CDC42SE2: variants seen among roughly 807,000 people sequenced by gnomAD.
The protein encoded by CDC42SE2 is CDC42 small effector 2.
CDC42SE2 carries 3 observed loss-of-function variants against 11.5 expected under a neutral mutation model. The observed-to-expected ratio is 0.26, with a 90% CI of 0.12 to 0.67. CDC42SE2 has a LOEUF of 0.67. CDC42SE2 is among the 30% of genes least tolerant of loss of function. The probability of loss-of-function intolerance (pLI) is 0.80; values close to 1 mark genes in which losing one functional copy is unlikely to be tolerated. For synonymous variants in CDC42SE2, 33 were observed against 34.8 expected (o/e 0.95, Z 0.18); for missense variants, 82 against 106.8 (o/e 0.77, Z 1.02).
At chr5:131,324,466 C>T (rs921297282) in intron 2 of CDC42SE2, among the ~76,000 whole-genome samples, 3 of 152,002 alleles carry the variant, frequency 2.0e-5, no homozygotes, top group Admixed American at 2.0e-4. Context: ...TTCCGTAGAC[C>T]TGCATTTCAA....
chr5:131,335,743 G>T (rs1430012304), intron 2 of CDC42SE2, among the ~76,000 whole-genome samples: 3 of 152,120 alleles, frequency 2.0e-5, no homozygotes, highest in Non-Finnish European at 2.9e-5. Context: ...TGTCTCTTTT[G>T]ATCTTTGCTG....
chr5:131,340,019 A>G (rs1449712319), intron 2 of CDC42SE2, among the ~76,000 whole-genome samples: 3 of 152,228 alleles, frequency 2.0e-5, no homozygotes, highest in Non-Finnish European at 4.4e-5. Context: ...TTGTATTCAA[A>G]TGACCAAGAA....
chr5:131,311,532 G>T (rs893317655), intron 1 of CDC42SE2, among the ~76,000 whole-genome samples: 1 of 151,948 alleles, frequency 6.6e-6, no homozygotes, highest in Non-Finnish European at 1.5e-5. Context: ...ATATCCTGCA[G>T]AGTGTTTTCC....
upstream of CDC42SE2, among the ~76,000 whole-genome samples, chr5:131,262,165 T>C (rs1756743402): frequency 7.4e-6 from 1 of 135,934 alleles, no homozygotes; most frequent in Non-Finnish European, 1.5e-5. Flanking sequence ...GGGAATTTTC[T>C]GGTTTTTTTT....
In CDC42SE2 at chr5:131,338,617, TA is replaced by T. The variant is rs1758633284; in HGVS notation, c.-285-20589del. ...TATGTTTACTCATTTAATCCTCACA[TA>T]AATCTTTGAGAAAATACTACCATAA... On this transcript the variant is annotated intron_variant, in intron 2 of 4. Coordinates refer to ENST00000505065, the MANE Select transcript of CDC42SE2 (RefSeq NM_001375635.1). Among the ~76,000 whole-genome samples the T allele has an allele frequency of 2.6e-5, 4 of 152,326 alleles. No individual in the cohort carries two copies. The East Asian group carries it at 7.7e-4, about 29-fold the overall frequency.
intron 2 of CDC42SE2, among the ~76,000 whole-genome samples, chr5:131,328,360 A>C (rs1758341223): frequency 6.6e-6 from 1 of 151,980 alleles, no homozygotes; most frequent in Non-Finnish European, 1.5e-5. Flanking sequence ...TGATAATCTT[A>C]AATTTTCTAG....
chr5:131,274,390 A>G (rs950784336), intron 1 of CDC42SE2, among the ~76,000 whole-genome samples: 1 of 152,188 alleles, frequency 6.6e-6, no homozygotes, highest in Non-Finnish European at 1.5e-5. Flanking sequence ...TAGCATGAAA[A>G]CATGTCCCTT....
At chr5:131,369,617 A>G (rs1371076943) in intron 3 of CDC42SE2, among the ~76,000 whole-genome samples, 3 of 152,200 alleles carry the variant, frequency 2.0e-5, no homozygotes, top group African/African-American at 4.8e-5. Context: ...TGGGGGAAGA[A>G]TGTAGTAACA....
At position 131,282,326 on chromosome 5, in the gene CDC42SE2, G is replaced by A. The variant is rs542595933; in HGVS notation, c.-455+18160G>A. On this transcript the variant is annotated intron_variant, in intron 1 of 4. Coordinates refer to ENST00000505065, the MANE Select transcript of CDC42SE2 (RefSeq NM_001375635.1). ...TGAAAAGTTTATGATTAAGATATGG[G>A]GAGAAAGTGTTCATTTTTAAAGTAA... is the stretch of plus-strand genomic sequence containing the variant. 2.1e-4 allele frequency among the ~76,000 whole-genome samples: 32 copies of A among 152,200 alleles called. No individual in the cohort carries two copies. In the East Asian group the frequency reaches 5.6e-3, roughly 27 times the overall value.
chr5:131,299,313 G>A (rs1757633653), intron 1 of CDC42SE2, among the ~76,000 whole-genome samples: 1 of 152,100 alleles, frequency 6.6e-6, no homozygotes, highest in African/African-American at 2.4e-5. Flanking sequence ...GGTTACCAGG[G>A]GTCAGTTAGC....
chr5:131,381,387 G>A (rs944372281), intron 3 of CDC42SE2, among the ~76,000 whole-genome samples: 10 of 151,284 alleles, frequency 6.6e-5, no homozygotes, highest in African/African-American at 9.7e-5. Context: ...GCAATGGCTC[G>A]ATCTCGGCTC....
intron 2 of CDC42SE2, among the ~76,000 whole-genome samples, chr5:131,331,387 A>G (rs1758416601): frequency 6.6e-6 from 1 of 152,208 alleles, no homozygotes; most frequent in Non-Finnish European, 1.5e-5. Context: ...ATAACATTGA[A>G]ATAGATTAAA....
At chr5:131,275,701 T>A (rs940857353) in intron 1 of CDC42SE2, among the ~76,000 whole-genome samples, 2 of 152,180 alleles carry the variant, frequency 1.3e-5, no homozygotes, top group African/African-American at 4.8e-5. Context: ...TTTGCTAAAC[T>A]TCTTTTGTTA....
intron 1 of CDC42SE2, among the ~76,000 whole-genome samples, chr5:131,283,926 A>G (rs1388322954): frequency 1.3e-5 from 2 of 152,224 alleles, no homozygotes; most frequent in African/African-American, 2.4e-5. Flanking sequence ...AAATATGAAC[A>G]TTCATGTACA....
intron 3 of CDC42SE2, among the ~76,000 whole-genome samples, chr5:131,372,102 ATACTTATGCATGTACCTGTTATG>A (rs1170428458): frequency 6.6e-6 from 1 of 152,184 alleles, no homozygotes; most frequent in Non-Finnish European, 1.5e-5. Context: ...ACATGAACAA[ATACTTATGCATGTACCTGTTATG>A]TACTTATGCA....
intron 3 of CDC42SE2, among the ~76,000 whole-genome samples, chr5:131,369,283 T>C (rs1160444109): frequency 1.3e-5 from 2 of 152,246 alleles, no homozygotes; most frequent in African/African-American, 4.8e-5. Flanking sequence ...CATTTTTCTT[T>C]AATGTTTTCT....
At chr5:131,376,869 G>A (rs966471896) in intron 3 of CDC42SE2, among the ~76,000 whole-genome samples, 2 of 152,042 alleles carry the variant, frequency 1.3e-5, no homozygotes, top group African/African-American at 2.4e-5. Flanking sequence ...TATGTACCAC[G>A]TTTTCTTTAT....
At chr5:131,268,875 C>T (rs541306835) in intron 1 of CDC42SE2, among the ~76,000 whole-genome samples, 2 of 150,346 alleles carry the variant, frequency 1.3e-5, no homozygotes, top group South Asian at 2.1e-4. Context: ...CTCAGCCTCT[C>T]GAGTAGCAGG....
chr5:131,343,762 A>C (rs558494943), intron 2 of CDC42SE2, among the ~76,000 whole-genome samples: 1 of 152,054 alleles, frequency 6.6e-6, no homozygotes, highest in South Asian at 2.1e-4. Context: ...AGAGAGAAAT[A>C]AAGAAGAAGA....
Sources: gnomAD v4.1 joint callset for allele counts (sites outside exome capture counted in the v4.1 genomes callset) on GRCh38, gnomAD v4.1.1 for gene constraint, MANE v1.5 for transcripts, NCBI Gene and HGNC (gene_info 2026-07-23, HGNC 2026-07-21) for gene names.